The following ACYP2 variants were observed in gnomAD, a reference collection of about 807,000 sequenced individuals.
ACYP2 encodes the protein acylphosphatase-2.
In ACYP2, 12 loss-of-function variants were observed where a neutral mutation model predicts 11.2. That is an observed-to-expected ratio of 1.08 (90% CI 0.69 to 1.74). The LOEUF is 1.74. Among genes scored for constraint, ACYP2 ranks in the 40% most tolerant of loss-of-function variants. The pLI is 0.00. For missense variants in ACYP2, 134 were observed against 101.9 expected (o/e 1.31, Z -1.35); for synonymous variants, 43 against 32.2 (o/e 1.33, Z -1.13).
chr2:54,187,495 C>T (rs900459026), intron 6 of ACYP2, among the ~76,000 whole-genome samples: 3 of 152,102 alleles, frequency 2.0e-5, no homozygotes, highest in African/African-American at 2.4e-5. Context: ...GGGCTGCTTG[C>T]GAAAGGGCTG....
chr2:54,023,785 C>A (rs189531693), intron 2 of ACYP2, among the ~76,000 whole-genome samples: 18 of 151,892 alleles, frequency 1.2e-4, no homozygotes, highest in African/African-American at 3.1e-4. Context: ...TAACAAGCAG[C>A]GAGATTGAAA....
intron 6 of ACYP2, among the ~76,000 whole-genome samples, chr2:54,208,741 T>C (rs147918328): frequency 3.9e-4 from 60 of 151,996 alleles, no homozygotes; most frequent in African/African-American, 6.5e-4. Context: ...GTCTCAGTTA[T>C]AGAGAAAAGT....
chr2:54,221,671 C>A (rs1368701917), intron 6 of ACYP2, among the ~76,000 whole-genome samples: 1 of 151,890 alleles, frequency 6.6e-6, no homozygotes, highest in African/African-American at 2.4e-5. Context: ...CAGGTGTGTG[C>A]CACCACACCT....
chr2:54,168,270 T>TA (rs976389170), intron 6 of ACYP2, among the ~76,000 whole-genome samples: 3 of 151,220 alleles, frequency 2.0e-5, no homozygotes, highest in South Asian at 2.1e-4. Context: ...ACTAAAAAAA[T>TA]AAAAAAATCA....
intron 2 of ACYP2, among the ~76,000 whole-genome samples, chr2:54,020,971 A>C (rs571072348): frequency 2.6e-4 from 39 of 152,308 alleles, no homozygotes; most frequent in Admixed American, 9.2e-4. Flanking sequence ...CAGCAAGGCA[A>C]TTTTTACTTC....
intron 4 of ACYP2, among the ~76,000 whole-genome samples, chr2:54,073,713 C>T (rs1025124211): frequency 7.9e-5 from 12 of 151,990 alleles, no homozygotes; most frequent in African/African-American, 2.9e-4. Flanking sequence ...AAAAAATGGG[C>T]AAAAGGTCTG....
rs544501087 is a variant in ACYP2 at position 54,013,417 on chromosome 2, C to T, written c.63-37541C>T. On this transcript the variant is annotated intron_variant, in intron 2 of 6. Coordinates refer to ENST00000607452, the MANE Select transcript of ACYP2 (RefSeq NM_001320586.2). ...CCAGGTCCAACCGATTCTTCTGCCT[C>T]AGCCTCCCAAGTAGCTGGGATTAGA... 2.0e-5 allele frequency among the ~76,000 whole-genome samples: 3 copies of T among 151,912 alleles called. No individual in the cohort carries two copies. In the Admixed American group the frequency reaches 2.0e-4, roughly 10 times the overall value.
At chr2:53,987,397 C>A (rs1413964785) in intron 2 of ACYP2, among the ~76,000 whole-genome samples, 1 of 149,916 alleles carries the variant, frequency 6.7e-6, no homozygotes, top group Non-Finnish European at 1.5e-5. Context: ...GACTTCTTTA[C>A]AAAGTGTAGG....
chr2:54,302,085 G>C (rs982023789), intron 6 of ACYP2, among the ~76,000 whole-genome samples: 1 of 152,202 alleles, frequency 6.6e-6, no homozygotes, highest in Non-Finnish European at 1.5e-5. Context: ...TTGAGGACAA[G>C]ATACAGGCAG....
chr2:54,292,129 G>A (rs569187750), intron 6 of ACYP2, among the ~76,000 whole-genome samples: 70 of 152,062 alleles, frequency 4.6e-4, no homozygotes, highest in African/African-American at 1.2e-3. Context: ...CTCCTGCCTC[G>A]GACTCCCAAA....
intron 4 of ACYP2, among the ~76,000 whole-genome samples, chr2:54,112,100 T>G (rs748742661): frequency 6.6e-6 from 1 of 152,232 alleles, no homozygotes; most frequent in Admixed American, 6.5e-5. Context: ...GTATTATCTA[T>G]GCTTATTTTA....
intron 4 of ACYP2, among the ~76,000 whole-genome samples, chr2:54,130,768 C>T (rs370406987): frequency 3.3e-5 from 5 of 152,110 alleles, no homozygotes; most frequent in Admixed American, 6.6e-5. Flanking sequence ...TTTAACTATG[C>T]GTGGTATCCA....
intron 4 of ACYP2, among the ~76,000 whole-genome samples, chr2:54,071,627 A>G (rs1677048274): frequency 6.6e-6 from 1 of 152,082 alleles, no homozygotes; most frequent in Non-Finnish European, 1.5e-5. Context: ...CACCACACCC[A>G]GATAATTTTT....
chr2:54,272,704 C>A (rs1688362212), intron 6 of ACYP2, among the ~76,000 whole-genome samples: 1 of 152,216 alleles, frequency 6.6e-6, no homozygotes, highest in Admixed American at 6.5e-5. Flanking sequence ...TATACAAATT[C>A]TCACAGAGGC....
chr2:54,145,042 A>G (rs1681821426), intron 6 of ACYP2, among the ~76,000 whole-genome samples: 1 of 151,962 alleles, frequency 6.6e-6, no homozygotes, highest in Non-Finnish European at 1.5e-5. Context: ...TTTTGGTAGT[A>G]ATTGTTCCTT....
At chr2:54,086,421 C>T (rs1677950108) in intron 4 of ACYP2, among the ~76,000 whole-genome samples, 1 of 152,042 alleles carries the variant, frequency 6.6e-6, no homozygotes, top group Non-Finnish European at 1.5e-5. Context: ...AGAGGGAGAG[C>T]CAAAGGTGGC....
In ACYP2 at chr2:54,128,669, T is replaced by TA. The variant is rs538454443; in HGVS notation, c.278-6777dup. The stretch of plus-strand genomic sequence containing the variant: ...GCAACAGAGTGAGACCCCATCTCTT[T>TA]AAAAAAATTCCTTTTATTCTCCGAT... On this transcript the variant is annotated intron_variant, in intron 4 of 6. Coordinates refer to ENST00000607452, the MANE Select transcript of ACYP2 (RefSeq NM_001320586.2). 9.9e-5 allele frequency among the ~76,000 whole-genome samples: 15 copies of TA among 152,156 alleles called. No individual in the cohort carries two copies. The East Asian group carries it at 2.9e-3, about 29-fold the overall frequency.
chr2:54,257,776 C>T lies in ACYP2; in HGVS notation c.405-46912C>T, dbSNP rs144036863. ...AGCTTTATGCCAATACATTTTCAAA[C>T]TTAGATGAAATATATGGCTTCATAG... is the stretch of plus-strand genomic sequence containing the variant. On this transcript the variant is annotated intron_variant, in intron 6 of 6. Transcript: ENST00000607452. 3.8e-3 allele frequency among the ~76,000 whole-genome samples: 585 copies of T among 152,106 alleles called. 6 individuals are homozygous for T. Among genetic ancestry groups the T allele is most frequent in the African/African-American group, 0.013 (559 of 41,482 alleles).
chr2:53,974,696 A>AT (rs1387095149), intron 2 of ACYP2, among the ~76,000 whole-genome samples: 3 of 152,222 alleles, frequency 2.0e-5, no homozygotes, highest in African/African-American at 7.2e-5. Context: ...GTATAATAGA[A>AT]TGACAAAAGA....
Sources: gnomAD v4.1 joint callset for allele counts (sites outside exome capture counted in the v4.1 genomes callset) on GRCh38, gnomAD v4.1.1 for gene constraint, MANE v1.5 for transcripts, NCBI Gene and HGNC (gene_info 2026-07-23, HGNC 2026-07-21) for gene names.